The following ARHGEF26 variants were observed in gnomAD, a reference collection of about 807,000 sequenced individuals.
The protein encoded by ARHGEF26 is Rho guanine nucleotide exchange factor (GEF) 26.
A neutral mutation model predicts 89.4 loss-of-function variants in ARHGEF26; 59 were observed. The ratio of observed to expected loss-of-function variants is 0.66; its 90% CI spans 0.54 to 0.82. The LOEUF is 0.82. Ranked by LOEUF, ARHGEF26 falls within the 40% of genes least tolerant of loss-of-function variation. The probability of loss-of-function intolerance (pLI) is 0.00; values close to 1 mark genes in which losing one functional copy is unlikely to be tolerated. For missense variants in ARHGEF26, 1,234 were observed against 1,085.6 expected (o/e 1.14, Z -1.92); for synonymous variants, 500 against 428.4 (o/e 1.17, Z -2.06).
At chr3:154,193,021 T>C (rs1714045545) in intron 8 of ARHGEF26, among the ~76,000 whole-genome samples, 1 of 151,424 alleles carries the variant, frequency 6.6e-6, no homozygotes, top group African/African-American at 2.4e-5. Context: ...CCATGATTGC[T>C]CAGTAGGCTT....
chr3:154,148,112 G>A (rs1719805399), intron 4 of ARHGEF26, among the ~76,000 whole-genome samples: 1 of 152,188 alleles, frequency 6.6e-6, no homozygotes, highest in South Asian at 2.1e-4. Context: ...AACCTCTAGA[G>A]CCTGTTCTGT....
At chr3:154,184,041 C>T (rs1053770735) in intron 6 of ARHGEF26, among the ~76,000 whole-genome samples, 5 of 150,214 alleles carry the variant, frequency 3.3e-5, no homozygotes, top group Admixed American at 6.7e-5. Context: ...GGCGCAATCT[C>T]GGCTCACTGC....
chr3:154,255,106 G>A (rs1718411698), intron 14 of ARHGEF26, among the ~76,000 whole-genome samples: 1 of 151,856 alleles, frequency 6.6e-6, no homozygotes, highest in African/African-American at 2.4e-5. Flanking sequence ...TCCCAGCTCA[G>A]CCCAGGTTCA....
In ARHGEF26 at chr3:154,152,768, C is replaced by T. The variant is rs143919496; in HGVS notation, c.1327-4C>T. 51 of 1,465,120 alleles carry T rather than the reference C, an allele frequency of 3.5e-5. No homozygotes were observed. In the East Asian group the frequency reaches 1.2e-3, roughly 34 times the overall value. 90.8% of individuals were successfully genotyped at this position (1,465,120 alleles called of 1,614,324 possible). On this transcript the variant is annotated splice_region_variant and splice_polypyrimidine_tract_variant and intron_variant, in intron 5 of 14. Coordinates refer to ENST00000465093, the MANE Select transcript of ARHGEF26 (RefSeq NM_015595.4). ...ATAATACATTTCTTTTTCCTTCTTA[C>T]CAGGCTATCTTTGAAGTCATATCCT...
rs760204816 is a variant in ARHGEF26, at chr3:154,122,168, TCC to T, written c.177_178del (p.Leu60ArgfsTer19). ...TTCCCGGTGGAGGACGGAGGGACGC[TCC>T]TCGCAGCGCAGATTCCCGCCCAGGT... On this transcript the variant is annotated frameshift_variant, in exon 2 of 15. Coordinates refer to ENST00000465093, the MANE Select transcript of ARHGEF26 (RefSeq NM_015595.4). LOFTEE classifies it high-confidence loss of function. 1.9e-6 allele frequency: 3 copies of T among 1,599,618 alleles called. No individual in the cohort carries two copies. Among genetic ancestry groups the T allele is most frequent in the Non-Finnish European group, 2.6e-6 (3 of 1,173,266 alleles).
chr3:154,254,758 A>G lies in ARHGEF26; in HGVS notation c.2407A>G (p.Lys803Glu), dbSNP rs765848814. 11 of 1,613,744 alleles carry G rather than the reference A, an allele frequency of 6.8e-6. No individual in the cohort carries two copies. Among genetic ancestry groups the G allele is most frequent in the South Asian group, 1.1e-5 (1 of 91,072 alleles). ...QVEIVRSFTA[K>E]QPDELSLQVA... The stretch of plus-strand genomic sequence containing the variant: ...GGAAATCGTTAGGTCATTTACTGCT[A>G]AGCAGCCAGATGAACTCTCCCTGCA... Residue 803 changes from lysine (K) to glutamate (E), a missense_variant, in exon 14 of 15, where the codon AAG becomes GAG. Coordinates refer to ENST00000465093, the MANE Select transcript of ARHGEF26 (RefSeq NM_015595.4).
intron 3 of ARHGEF26, among the ~76,000 whole-genome samples, chr3:154,128,858 C>T (rs1357066706): frequency 6.6e-6 from 1 of 152,186 alleles, no homozygotes; most frequent in African/African-American, 2.4e-5. Context: ...CGCTTTCTAC[C>T]CCCCTTCCCT....
At chr3:154,239,295 A>AGT (rs1717335546) in intron 11 of ARHGEF26, among the ~76,000 whole-genome samples, 5 of 58,698 alleles carry the variant, frequency 8.5e-5, no homozygotes, top group African/African-American at 1.2e-4. Context: ...AGAGAGAGAG[A>AGT]GAGAGTGTGT....
chr3:154,198,881 T>C (rs2108204990), intron 9 of ARHGEF26, among the ~76,000 whole-genome samples: 1 of 151,888 alleles, frequency 6.6e-6, no homozygotes, highest in Non-Finnish European at 1.5e-5. Flanking sequence ...TGAAATAAAT[T>C]TTTTTATAGA....
chr3:154,149,078 C>T (rs1452617058), intron 4 of ARHGEF26, among the ~76,000 whole-genome samples: 1 of 152,074 alleles, frequency 6.6e-6, no homozygotes, highest in Non-Finnish European at 1.5e-5. Context: ...TAGCTATGTG[C>T]TCTTGGATCC....
chr3:154,162,076 A>G (rs546648585), intron 6 of ARHGEF26, among the ~76,000 whole-genome samples: 11 of 152,202 alleles, frequency 7.2e-5, no homozygotes, highest in South Asian at 2.1e-4. Context: ...GCTGTTATCA[A>G]TCTTAAACTA....
intron 6 of ARHGEF26, among the ~76,000 whole-genome samples, chr3:154,175,319 G>C (rs959559846): frequency 1.3e-5 from 2 of 152,160 alleles, no homozygotes; most frequent in South Asian, 2.1e-4. Flanking sequence ...TACTGTTGGA[G>C]AGGGAGGGCG....
chr3:154,161,098 GTTTGTGTGTGTGTGT>G (rs1252807361), intron 6 of ARHGEF26, among the ~76,000 whole-genome samples: 11 of 18,778 alleles, frequency 5.9e-4, no homozygotes, highest in East Asian at 1.1e-3. Context: ...TGGTAGCCAG[GTTTGTGTGTGTGTGT>G]GTGTGTGTGT....
intron 9 of ARHGEF26, among the ~76,000 whole-genome samples, chr3:154,203,638 A>G (rs1398908324): frequency 6.6e-6 from 1 of 152,166 alleles, no homozygotes; most frequent in East Asian, 1.9e-4. Context: ...ATTTTTTATC[A>G]TGTTGGGGTA....
intron 6 of ARHGEF26, among the ~76,000 whole-genome samples, chr3:154,164,603 T>C (rs1039857181): frequency 1.3e-5 from 2 of 152,112 alleles, no homozygotes; most frequent in Non-Finnish European, 2.9e-5. Flanking sequence ...AAGGTCCCTT[T>C]GTAACAAGAA....
chr3:154,242,068 A>G (rs1226980315), intron 12 of ARHGEF26, among the ~76,000 whole-genome samples: 1 of 152,254 alleles, frequency 6.6e-6, no homozygotes, highest in Non-Finnish European at 1.5e-5. Flanking sequence ...AAATTATTTC[A>G]TATCTTTTGG....
rs72994667 is a variant in ARHGEF26 at position 154,249,787 on chromosome 3, G to A, written c.2301-3329G>A. 5.6e-3 allele frequency among the ~76,000 whole-genome samples: 854 copies of A among 152,298 alleles called. 12 individuals are homozygous for A. The highest frequency in any genetic ancestry group is 0.02 in the African/African-American group (815 of 41,568). On this transcript the variant is annotated intron_variant, in intron 12 of 14. Coordinates refer to ENST00000465093, the MANE Select transcript of ARHGEF26 (RefSeq NM_015595.4). ...CAGCATTGCTTACTCTTGTCACTTTGTGCAAAGGGAAAAGTCTGTGAACTG... is the reference window on the plus strand; with the variant it reads ...CAGCATTGCTTACTCTTGTCACTTTATGCAAAGGGAAAAGTCTGTGAACTG...
At chr3:154,133,483 TC>T (rs1024314301) in intron 4 of ARHGEF26, among the ~76,000 whole-genome samples, 1 of 151,566 alleles carries the variant, frequency 6.6e-6, no homozygotes, top group African/African-American at 2.4e-5. Context: ...CCTACAACTA[TC>T]TGATCTGGCA....
rs753275488 is a variant in ARHGEF26, at chr3:154,121,967, C to T, written c.-26C>T. 4.5e-6 allele frequency: 7 copies of T among 1,568,338 alleles called. No individual in the cohort carries two copies. The highest frequency in any genetic ancestry group is 5.2e-6 in the Non-Finnish European group (6 of 1,152,024). The stretch of plus-strand genomic sequence containing the variant: ...GCAAGACTAACTCGGTGTTGCTCCT[C>T]CCGGCGCTGACTTCGAGGCCCGGCT... On this transcript the variant is annotated 5_prime_UTR_variant, in exon 2 of 15. Transcript: ENST00000465093.
Sources: gnomAD v4.1 joint callset for allele counts (sites outside exome capture counted in the v4.1 genomes callset) on GRCh38, gnomAD v4.1.1 for gene constraint, MANE v1.5 for transcripts, NCBI Gene and HGNC (gene_info 2026-07-23, HGNC 2026-07-21) for gene names.